Variants in PRPF19 observed in about 807,000 individuals in gnomAD.
PRPF19 encodes pre-mRNA processing factor 19.
PRPF19 carries 2 observed loss-of-function variants against 64.2 expected under a neutral mutation model. The observed-to-expected ratio is 0.03, with a 90% CI of 0.01 to 0.10. The LOEUF is 0.10. Among genes scored for constraint, PRPF19 ranks in the 10% least tolerant of loss-of-function variants. The probability of loss-of-function intolerance (pLI) is 1.00; values close to 1 mark genes in which losing one functional copy is unlikely to be tolerated. For synonymous variants in PRPF19, 226 were observed against 251.6 expected, an observed-to-expected ratio of 0.90 and a Z score of 0.96; for missense variants, 314 against 650.0, an observed-to-expected ratio of 0.48 and a Z score of 5.62.
At chr11:60,897,985 G>A (rs1383922343) in intron 14 of PRPF19, 34 bp from the exon 15 acceptor site, 5 of 1,610,784 alleles carry the variant, frequency 3.1e-6, no homozygotes, top group East Asian at 4.5e-5. Context: ...GGTCACACAA[G>A]GGGAACAGAA....
At chr11:60,900,336 T>C (rs139702484) in intron 10 of PRPF19, among the ~76,000 whole-genome samples, 4 of 152,356 alleles carry the variant, frequency 2.6e-5, no homozygotes, top group African/African-American at 9.6e-5. Context: ...ATGAAATATT[T>C]CAATGAATAT....
intron 15 of PRPF19, among the ~76,000 whole-genome samples, chr11:60,894,035 C>A (rs1565109285): frequency 6.6e-6 from 1 of 152,248 alleles, no homozygotes; most frequent in Non-Finnish European, 1.5e-5. Context: ...AACATGCTAA[C>A]AACCATCAGA....
At chr11:60,895,880 C>T (rs72916973) in intron 15 of PRPF19, among the ~76,000 whole-genome samples, 11,188 of 152,194 alleles carry the variant, frequency 0.074, 565 homozygotes, top group Non-Finnish European at 0.11. Flanking sequence ...AGAACACACA[C>T]AGCATTTCAT....
At chr11:60,903,690 G>C (rs775972020) in intron 2 of PRPF19, 22 bp downstream of exon 2, 2 of 1,584,800 alleles carry the variant, frequency 1.3e-6, no homozygotes, top group Non-Finnish European at 1.7e-6. Context: ...GATGGCCCTA[G>C]ACTAAGGCAG....
chr11:60,899,852 A>G (rs1855962675), intron 10 of PRPF19, among the ~76,000 whole-genome samples: 1 of 152,218 alleles, frequency 6.6e-6, no homozygotes, highest in African/African-American at 2.4e-5. Context: ...GGATATTAAA[A>G]GCCATAAGGT....
At chr11:60,901,776 T>C (rs2134864402) in intron 6 of PRPF19, among the ~76,000 whole-genome samples, 1 of 152,302 alleles carries the variant, frequency 6.6e-6, no homozygotes, top group Non-Finnish European at 1.5e-5. Context: ...TGAAGTCAAT[T>C]GCCCAAGGTC....
chr11:60,898,919 A>C lies in PRPF19; in HGVS notation c.997T>G (p.Ser333Ala), dbSNP rs1349821042. ...AGCACACGCCCTGTCTGGATGTCAG[A>C]GAAAGCCCAGTACTGGGGAAAAAAA... ...SSSDDQYWAF[S>A]DIQTGRVLTK... The change falls in exon 12 of 16, where the codon TCT becomes GCT. Residue 333 changes from serine (S) to alanine (A), a missense_variant. This residue lies in a region of PRPF19 where 175 missense variants were observed against 342.9 expected (regional missense o/e 0.51). Transcript: ENST00000227524. The surrounding 1 kb of genome is among the most constrained non-coding windows in gnomAD (Gnocchi z 4.6). 6.2e-7 allele frequency: 1 copy of C among 1,600,146 alleles called. No individual in the cohort carries two copies. The highest frequency in any genetic ancestry group is 1.1e-5 in the South Asian group (1 of 88,366).
In PRPF19 at chr11:60,897,929, T is replaced by C. The variant is rs1465922682; in HGVS notation, c.1334A>G (p.Gln445Arg). The change falls in exon 15 of 16, where the codon CAG (glutamine) becomes CGG (arginine). Residue 445 changes from glutamine to arginine, a missense_variant. Around this residue, in one of 7 missense-constraint regions of PRPF19, gnomAD observed 47 missense variants for 94.5 expected, o/e 0.50. Transcript: ENST00000227524. ...NFEVKSLIFD[Q>R]SGTYLALGGT... ...CCCAAGAGCCAGGTAGGTACCACTC[T>C]GGTCAAAGATCAGTGACTTTACCTG... is the stretch of plus-strand genomic sequence containing the variant. 6.2e-7 allele frequency: 1 copy of C among 1,614,208 alleles called. No homozygotes were observed. The highest frequency in any genetic ancestry group is 1.1e-5 in the South Asian group (1 of 91,080).
In PRPF19 at chr11:60,906,402, G is replaced by C. The variant is rs763637165; in HGVS notation, c.-20C>G. 1 of 1,569,740 alleles carries C rather than the reference G, an allele frequency of 6.4e-7. No homozygotes were observed. The highest frequency in any genetic ancestry group is 8.6e-7 in the Non-Finnish European group (1 of 1,160,400). On this transcript the variant is annotated 5_prime_UTR_variant, in exon 1 of 16. Transcript: ENST00000227524. ...GGACATGGCGCCGTCACCGTGCTCCGAGGCGCCACACGCCGGGCTCCGGGA... is the reference window on the plus strand; with the variant it reads ...GGACATGGCGCCGTCACCGTGCTCCCAGGCGCCACACGCCGGGCTCCGGGA...
In PRPF19 at chr11:60,901,508, C is replaced by G; in HGVS notation, c.558G>C (p.Glu186Asp). ...CAGAAAGAGAACTCACCTTCTTGCG[C>G]TCCGTGGTTAGCACAGTGGCTTTGT... ...LQDKATVLTT[E>D]RKKRGKTVPE... Residue 186 changes from glutamate (E) to aspartate (D), a missense_variant, in exon 7 of 16, where the codon GAG (glutamate) becomes GAC (aspartate). Physicochemically the swap from Glu to Asp is conservative, Grantham distance 45 (BLOSUM62 2). Transcript: ENST00000227524. 5.0e-6 allele frequency: 8 copies of G among 1,614,232 alleles called. No individual in the cohort carries two copies. The highest frequency in any genetic ancestry group is 6.8e-6 in the Non-Finnish European group (8 of 1,180,044).
intron 1 of PRPF19, 139 bp downstream of exon 1, chr11:60,906,225 T>A (rs759001621): frequency 1.5e-5 from 20 of 1,339,100 alleles, no homozygotes; most frequent in Non-Finnish European, 1.9e-5. Flanking sequence ...GGGGCTCCGG[T>A]GCTGACAGGC....
rs768334038 is a variant in PRPF19 at position 60,899,224 on chromosome 11, C to T, written c.909G>A (p.Arg303=). Residue 303 remains arginine (R), a synonymous_variant, in exon 11 of 16, where the codon CGG becomes CGA. Transcript: ENST00000227524. ...GGCCTGTCACAGCACTCTCATGGGC[C>T]CGAACCACCTGTACACAAGAGGCAT... The part of the protein sequence containing the change: ...VPNASCVQVV[R]AHESAVTGLS... 13 of 1,613,958 alleles carry T rather than the reference C, an allele frequency of 8.1e-6. No homozygotes were observed. Among genetic ancestry groups the T allele is most frequent in the South Asian group, 5.5e-5 (5 of 91,076 alleles).
Position 60,902,734 on chromosome 11 carries a change from C to T in PRPF19, c.388+6G>A, listed in dbSNP as rs1381745210. ...AGGGTGGGGGATGGCAGGGGAGAGG[C>T]TGCACCTTCTCGGGCAGCAGTGACT... On this transcript the variant is annotated splice_donor_region_variant and intron_variant, in intron 4 of 15. Coordinates refer to ENST00000227524, the MANE Select transcript of PRPF19 (RefSeq NM_014502.5). The surrounding 1 kb of genome is among the most constrained non-coding windows in gnomAD (Gnocchi z 5.0). 3 of 1,614,072 alleles carry T rather than the reference C, an allele frequency of 1.9e-6. No individual in the cohort carries two copies. The highest frequency in any genetic ancestry group is 2.2e-5 in the East Asian group (1 of 44,898).
In PRPF19 at chr11:60,891,147, C is replaced by G. The variant is rs766432239; in HGVS notation, c.*19G>C. 2 of 1,325,546 alleles carry G rather than the reference C, an allele frequency of 1.5e-6. No homozygotes were observed. Among genetic ancestry groups the G allele is most frequent in the Admixed American group, 3.6e-5 (2 of 55,062 alleles). 82.1% of individuals were successfully genotyped at this position (1,325,546 alleles called of 1,614,324 possible). On this transcript the variant is annotated 3_prime_UTR_variant, in exon 16 of 16. Transcript: ENST00000227524. ...CCTCTACTGAGATGAGGCCCAGCTT[C>G]CATCAGAAGGGCCAGGGCCTACAGG...
chr11:60,902,722 G>A lies in PRPF19; in HGVS notation c.388+18C>T. Reference sequence around the variant, plus strand: ...CAGAACCAGCCCAGGGTGGGGGATGGCAGGGGAGAGGCTGCACCTTCTCGG... The same window carrying A: ...CAGAACCAGCCCAGGGTGGGGGATGACAGGGGAGAGGCTGCACCTTCTCGG... On this transcript the variant is annotated intron_variant, in intron 4 of 15. Coordinates refer to ENST00000227524, the MANE Select transcript of PRPF19 (RefSeq NM_014502.5). This position sits in a 1 kb window ranked among gnomAD's most constrained non-coding sequence, Gnocchi z 5.0. 6.2e-7 allele frequency: 1 copy of A among 1,614,224 alleles called. No homozygotes were observed.
intron 15 of PRPF19, among the ~76,000 whole-genome samples, chr11:60,896,658 C>T (rs1055451670): frequency 2.6e-5 from 4 of 152,154 alleles, no homozygotes; most frequent in Non-Finnish European, 4.4e-5. Flanking sequence ...TGAGGCCTCC[C>T]GAGTCACTGT....
intron 14 of PRPF19, 29 bp from the exon 15 acceptor site, chr11:60,897,980 C>T: frequency 6.2e-7 from 1 of 1,611,888 alleles, no homozygotes; most frequent in African/African-American, 1.3e-5. Flanking sequence ...GAGAAGGTCA[C>T]ACAAGGGGAA....
intron 15 of PRPF19, among the ~76,000 whole-genome samples, chr11:60,894,391 A>T (rs1177260245): frequency 1.3e-5 from 2 of 152,360 alleles, no homozygotes; most frequent in East Asian, 3.9e-4. Context: ...CCAGTAGAAG[A>T]TTCCATCAAG....
At chr11:60,900,346 T>C (rs554516198) in intron 10 of PRPF19, among the ~76,000 whole-genome samples, 1 of 152,362 alleles carries the variant, frequency 6.6e-6, no homozygotes, top group South Asian at 2.1e-4. Flanking sequence ...TCAATGAATA[T>C]GCTTGTCAAA....
Sources: gnomAD v4.1 joint callset for allele counts (sites outside exome capture counted in the v4.1 genomes callset) on GRCh38, gnomAD v4.1.1 for gene constraint, gnomAD v4.1.1 regional missense constraint, Gnocchi (gnomAD v3.1) non-coding constraint, MANE v1.5 for transcripts, NCBI Gene and HGNC (gene_info 2026-07-23, HGNC 2026-07-21) for gene names.